Variants in MYO1B observed in about 807,000 individuals in gnomAD.
MYO1B encodes myosin IB.
Under a neutral mutation model 159.7 loss-of-function variants are expected in MYO1B, and 72 were observed. The ratio of observed to expected loss-of-function variants is 0.45; its 90% CI spans 0.37 to 0.55. The LOEUF (loss-of-function observed/expected upper bound fraction) is 0.55, where lower values mean the gene tolerates loss of function less well. Among genes scored for constraint, MYO1B ranks in the 20% least tolerant of loss-of-function variants. The pLI is 0.00. For missense variants in MYO1B, 1,062 were observed against 1,364.8 expected, an observed-to-expected ratio of 0.78 and a Z score of 3.50; for synonymous variants, 468 against 473.8, an observed-to-expected ratio of 0.99 and a Z score of 0.16.
chr2:191,286,329 A>G (rs1051104181), intron 2 of MYO1B, among the ~76,000 whole-genome samples: 2 of 151,558 alleles, frequency 1.3e-5, no homozygotes, highest in Non-Finnish European at 2.9e-5. Context: ...TTGGTAGACC[A>G]TACTGTGTCT....
Position 191,364,817 on chromosome 2 carries a change from A to G in MYO1B, c.1032+541A>G, listed in dbSNP as rs1693899370. ...GAGAAGTGGTCACATTGTGGATATT[A>G]TTAGAGGGTAGAGGCTACAGGACTT... On this transcript the variant is annotated intron_variant, in intron 11 of 30. Transcript: ENST00000392318. Among the ~76,000 whole-genome samples, 7 of 152,184 alleles carry G rather than the reference A, an allele frequency of 4.6e-5. 1 individual carries two copies. Among genetic ancestry groups the G allele is most frequent in the Admixed American group, 4.6e-4 (7 of 15,282 alleles).
At chr2:191,408,975 G>C in intron 25 of MYO1B, 69 bp from the exon 26 acceptor site, 2 of 1,455,944 alleles carry the variant, frequency 1.4e-6, no homozygotes, top group Middle Eastern at 2.5e-4. Context: ...ATTTGATCAT[G>C]ATGTATGTAA....
chr2:191,252,380 T>G (rs1396301900), intron 1 of MYO1B, among the ~76,000 whole-genome samples: 1 of 152,174 alleles, frequency 6.6e-6, no homozygotes, highest in African/African-American at 2.4e-5. Flanking sequence ...GAAAATAGAG[T>G]TAGACTCCTG....
intron 20 of MYO1B, among the ~76,000 whole-genome samples, chr2:191,395,025 T>G (rs1043380920): frequency 6.6e-6 from 1 of 152,220 alleles, no homozygotes; most frequent in East Asian, 1.9e-4. Flanking sequence ...ACTCAAAAGA[T>G]TTCTTGAATG....
At chr2:191,403,286 C>T (rs984053897) in intron 24 of MYO1B, among the ~76,000 whole-genome samples, 3 of 152,138 alleles carry the variant, frequency 2.0e-5, no homozygotes, top group East Asian at 1.9e-4. Flanking sequence ...AAGAGAACCT[C>T]GAATTCAAAT....
rs182550442 is a variant in MYO1B at position 191,292,313 on chromosome 2, A to G, written c.136-3798A>G. The stretch of plus-strand genomic sequence containing the variant: ...TGCCAAATATGAGTGAGCATAGCCC[A>G]TAACACAGCCCTCCTTGGGAGATCC... On this transcript the variant is annotated intron_variant, in intron 2 of 30. Coordinates refer to ENST00000392318, the MANE Select transcript of MYO1B (RefSeq NM_001130158.3). 2.6e-3 allele frequency among the ~76,000 whole-genome samples: 401 copies of G among 152,330 alleles called. 2 individuals carry two copies. Among genetic ancestry groups the G allele is most frequent in the African/African-American group, 8.9e-3 (372 of 41,570 alleles).
chr2:191,304,221 C>T (rs1689506400), intron 3 of MYO1B, among the ~76,000 whole-genome samples: 1 of 152,170 alleles, frequency 6.6e-6, no homozygotes, highest in Non-Finnish European at 1.5e-5. Flanking sequence ...GAACTTGCTG[C>T]CTTTGACTTT....
intron 4 of MYO1B, among the ~76,000 whole-genome samples, chr2:191,340,275 C>T (rs1422263428): frequency 6.6e-6 from 1 of 151,690 alleles, no homozygotes; most frequent in African/African-American, 2.4e-5. Context: ...CAGCAGTGCA[C>T]GCGATCATAT....
chr2:191,369,709 T>G (rs867570540), intron 12 of MYO1B, 81 bp downstream of exon 12: 1 of 1,042,150 alleles, frequency 9.6e-7, no homozygotes, highest in Middle Eastern at 2.4e-4. Flanking sequence ...AGTTTAAATT[T>G]ATAATCAAAT....
Position 191,337,642 on chromosome 2 carries a change from CAT to C in MYO1B, c.347-3806_347-3805del, listed in dbSNP as rs149245505. Among the ~76,000 whole-genome samples, 1,466 of 150,658 alleles carry C rather than the reference CAT, an allele frequency of 9.7e-3. 22 individuals are homozygous for C. The highest frequency in any genetic ancestry group is 0.031 in the African/African-American group (1,265 of 41,120). On this transcript the variant is annotated intron_variant, in intron 4 of 30. Coordinates refer to ENST00000392318, the MANE Select transcript of MYO1B (RefSeq NM_001130158.3). ...TTTTAAGATTCAAGTTACATTCAAA[CAT>C]ATATATATATATGTACGTAAGTTTA...
chr2:191,341,488 TG>T lies in MYO1B; in HGVS notation c.376del (p.Ala126GlnfsTer33). The T allele has an allele frequency of 6.2e-7, 1 of 1,614,082 alleles. No homozygotes were observed. The highest frequency in any genetic ancestry group is 8.5e-7 in the Non-Finnish European group (1 of 1,179,986). On this transcript the variant is annotated frameshift_variant, in exon 5 of 31. Coordinates refer to ENST00000392318, the MANE Select transcript of MYO1B (RefSeq NM_001130158.3). LOFTEE classifies it high-confidence loss of function. ...GCCAGTAAGCTTGTCATGTCCTATG[TG>T]GCAGCTGTTTGTGGAAAAGGAGCAG... ...TEASKLVMSY[V>X]AAVCGKGAEV...
In MYO1B at chr2:191,302,913, G is replaced by A. The variant is rs191388188; in HGVS notation, c.251+6687G>A. Among the ~76,000 whole-genome samples the A allele has an allele frequency of 4.6e-5, 7 of 152,290 alleles. No individual in the cohort carries two copies. The East Asian group carries it at 7.7e-4, about 17-fold the overall frequency. ...TCAGTTGTCCAGAAGTGAGCCCTCCGTCTGTGGACTCTTTGACCCCTACTT... is the reference window on the plus strand; with the variant it reads ...TCAGTTGTCCAGAAGTGAGCCCTCCATCTGTGGACTCTTTGACCCCTACTT... On this transcript the variant is annotated intron_variant, in intron 3 of 30. Coordinates refer to ENST00000392318, the MANE Select transcript of MYO1B (RefSeq NM_001130158.3).
intron 3 of MYO1B, among the ~76,000 whole-genome samples, chr2:191,327,580 A>G (rs943357278): frequency 3.3e-5 from 5 of 152,166 alleles, no homozygotes; most frequent in Non-Finnish European, 7.3e-5. Flanking sequence ...TGCATCTGAG[A>G]TGTTTTCTGC....
intron 1 of MYO1B, among the ~76,000 whole-genome samples, chr2:191,256,240 ACT>A (rs1243259678): frequency 2.0e-4 from 31 of 151,916 alleles, no homozygotes; most frequent in African/African-American, 7.5e-4. Flanking sequence ...TTGAAACTTG[ACT>A]CTTCTCCTTA....
In MYO1B at chr2:191,346,227, TC is replaced by T; in HGVS notation, c.452-7del. On this transcript the variant is annotated splice_region_variant and splice_polypyrimidine_tract_variant and intron_variant, in intron 5 of 30. Transcript: ENST00000392318. ...TTTTTTAACCATACATCTGTTTCTT[TC>T]CTACTAGCTTTTGGAAATGCCAAAA... is the stretch of plus-strand genomic sequence containing the variant. 1 of 1,559,812 alleles carries T rather than the reference TC, an allele frequency of 6.4e-7. No individual in the cohort carries two copies. Among genetic ancestry groups the T allele is most frequent in the East Asian group, 2.3e-5 (1 of 43,708 alleles).
chr2:191,264,074 GA>G (rs1248699866), intron 1 of MYO1B, among the ~76,000 whole-genome samples: 1 of 152,138 alleles, frequency 6.6e-6, no homozygotes, highest in Non-Finnish European at 1.5e-5. Flanking sequence ...AGAAAAACCA[GA>G]AATTGACCTA....
intron 18 of MYO1B, among the ~76,000 whole-genome samples, chr2:191,391,263 C>A (rs1355822293): frequency 6.6e-6 from 1 of 152,214 alleles, no homozygotes; most frequent in Admixed American, 6.5e-5. Context: ...TGGGCCTAGG[C>A]AGGAAATGGG....
intron 3 of MYO1B, among the ~76,000 whole-genome samples, chr2:191,317,823 C>T (rs1322502610): frequency 2.0e-5 from 3 of 152,194 alleles, no homozygotes; most frequent in Non-Finnish European, 2.9e-5. Flanking sequence ...TTTAAACCCA[C>T]AGAGCTCTTT....
intron 3 of MYO1B, among the ~76,000 whole-genome samples, chr2:191,309,722 A>G (rs931379815): frequency 6.6e-6 from 1 of 152,230 alleles, no homozygotes; most frequent in African/African-American, 2.4e-5. Context: ...TCTTACTGCA[A>G]TCAGGAATAG....
Sources: allele counts gnomAD v4.1 joint callset (sites outside exome capture counted in the v4.1 genomes callset), GRCh38; gene constraint gnomAD v4.1.1; transcripts MANE v1.5; gene names NCBI Gene and HGNC (gene_info 2026-07-23, HGNC 2026-07-21).